Variants in RAB6A observed in about 807,000 individuals in gnomAD.
RAB6A encodes the protein ras-related protein Rab-6A.
RAB6A carries 8 observed loss-of-function variants against 32.3 expected under a neutral mutation model. The observed-to-expected ratio is 0.25, with a 90% CI of 0.15 to 0.45. The LOEUF is 0.45. Among genes scored for constraint, RAB6A ranks in the 20% least tolerant of loss-of-function variants. RAB6A has a pLI of 1.00. For synonymous variants in RAB6A, 73 were observed against 82.1 expected, an observed-to-expected ratio of 0.89 and a Z score of 0.60; for missense variants, 104 against 249.4, an observed-to-expected ratio of 0.42 and a Z score of 3.93.
intron 1 of RAB6A, among the ~76,000 whole-genome samples, chr11:73,758,333 G>A (rs1157452862): frequency 6.6e-6 from 1 of 152,126 alleles, no homozygotes; most frequent in African/African-American, 2.4e-5. Flanking sequence ...ATGGACTTAA[G>A]TTAATAATAA....
rs1555054176 is a variant in RAB6A at position 73,685,588 on chromosome 11, G to GAAAGTCTTTTTTTTTT, written c.496-5869_496-5868insAAAAAAAAAAGACTTT. Among the ~76,000 whole-genome samples, 30 of 89,572 alleles carry GAAAGTCTTTTTTTTTT rather than the reference G, an allele frequency of 3.3e-4. 4 individuals carry two copies. The highest frequency in any genetic ancestry group is 1.4e-3 in the African/African-American group (29 of 21,152). The allele number at this position is 89,572 out of a possible 152,430, so 58.8% of individuals were successfully genotyped here. On this transcript the variant is annotated intron_variant, in intron 6 of 7. Coordinates refer to ENST00000336083, the MANE Select transcript of RAB6A (RefSeq NM_198896.2). ...AAGTGTGAGCCACCACGCCCGGACT[G>GAAAGTCTTTTTTTTTT]AAAGTAGCGACCAGGTGCGGTGCCT...
intron 1 of RAB6A, among the ~76,000 whole-genome samples, chr11:73,744,306 C>T (rs1181937291): frequency 6.7e-6 from 1 of 148,370 alleles, no homozygotes; most frequent in Non-Finnish European, 1.5e-5. Flanking sequence ...CCAATGCACT[C>T]CAGCCTGGGT....
chr11:73,700,209 C>CAGGTGA (rs1945719026), intron 6 of RAB6A, among the ~76,000 whole-genome samples: 1 of 152,114 alleles, frequency 6.6e-6, no homozygotes, highest in African/African-American at 2.4e-5. Flanking sequence ...GATGAAAAGC[C>CAGGTGA]AGGTGAAGGC....
chr11:73,699,366 G>A (rs1945705502), intron 6 of RAB6A, among the ~76,000 whole-genome samples: 1 of 152,132 alleles, frequency 6.6e-6, no homozygotes, highest in Non-Finnish European at 1.5e-5. Flanking sequence ...TCAAGTGACG[G>A]TCCCATCTCA....
intron 3 of RAB6A, 69 bp from the exon 4 acceptor site, chr11:73,718,787 G>A: frequency 6.2e-7 from 1 of 1,613,982 alleles, no homozygotes; most frequent in East Asian, 2.2e-5. Flanking sequence ...ATACCTACTT[G>A]TGATATCGTA....
rs186480089 is a variant in RAB6A, at chr11:73,733,439, C to T, written c.71-2616G>A. 1.9e-3 allele frequency among the ~76,000 whole-genome samples: 281 copies of T among 151,826 alleles called. No homozygotes were observed. The Middle Eastern group carries it at 0.024, about 13-fold the overall frequency. On this transcript the variant is annotated intron_variant, in intron 1 of 7. Transcript: ENST00000336083. ...TGATGCGCGCCTGTAATCCCAGCTACGCAGGAGACTGAGGCAGGAGAATCG... is the reference window on the plus strand; with the variant it reads ...TGATGCGCGCCTGTAATCCCAGCTATGCAGGAGACTGAGGCAGGAGAATCG...
At chr11:73,722,295 A>C in intron 2 of RAB6A, 1 of 80,836 alleles carries the variant, frequency 1.2e-5, no homozygotes, top group African/African-American at 5.1e-5. Flanking sequence ...TCAAATATAT[A>C]TGTGTGTGTG....
At chr11:73,732,679 G>C (rs1364876273) in intron 1 of RAB6A, among the ~76,000 whole-genome samples, 1 of 152,202 alleles carries the variant, frequency 6.6e-6, no homozygotes, top group Non-Finnish European at 1.5e-5. Context: ...AGAATCGCTT[G>C]AATCTGGGAG....
chr11:73,722,305 G>GTGTGTATGTA (rs1238666420), intron 2 of RAB6A: 32 of 42,284 alleles, frequency 7.6e-4, no homozygotes, highest in African/African-American at 3.2e-3. Context: ...ATGTGTGTGT[G>GTGTGTATGTA]TATATATATA....
chr11:73,760,660 G>A lies in RAB6A; in HGVS notation c.-25C>T, dbSNP rs1354852259. 3 of 1,599,298 alleles carry A rather than the reference G, an allele frequency of 1.9e-6. No individual in the cohort carries two copies. The highest frequency in any genetic ancestry group is 1.7e-6 in the Non-Finnish European group (2 of 1,173,430). On this transcript the variant is annotated 5_prime_UTR_variant, in exon 1 of 8. Coordinates refer to ENST00000336083, the MANE Select transcript of RAB6A (RefSeq NM_198896.2). ...TTGTGGAACTAGAGGAGCGGCCGCC[G>A]CCTCAGCCTAGAGACCTCCCGGACC...
At chr11:73,728,933 G>T (rs1193787906) in intron 2 of RAB6A, among the ~76,000 whole-genome samples, 1 of 151,572 alleles carries the variant, frequency 6.6e-6, no homozygotes, top group African/African-American at 2.4e-5. Flanking sequence ...TATGTGGGCA[G>T]TTTTTTTTAT....
chr11:73,740,881 C>T (rs529638066), intron 1 of RAB6A, among the ~76,000 whole-genome samples: 3 of 146,438 alleles, frequency 2.0e-5, no homozygotes, highest in African/African-American at 7.7e-5. Flanking sequence ...GAGTGAGACT[C>T]TGTCTTTAAA....
At chr11:73,739,284 A>AAAAAAAAATATATATATAT (rs1208877325) in intron 1 of RAB6A, among the ~76,000 whole-genome samples, 1 of 6,758 alleles carries the variant, frequency 1.5e-4, no homozygotes, top group Non-Finnish European at 3.4e-4. Context: ...AAAAAAAAAA[A>AAAAAAAAATATATATATAT]ATATATATAT....
intron 1 of RAB6A, among the ~76,000 whole-genome samples, chr11:73,759,347 CAAG>C (rs1449844219): frequency 2.0e-5 from 3 of 151,484 alleles, no homozygotes; most frequent in Non-Finnish European, 4.4e-5. Context: ...GGAATTACTA[CAAG>C]AAGTAATCGT....
chr11:73,745,997 C>CA lies in RAB6A; in HGVS notation c.70+14568dup, dbSNP rs971804947. Among the ~76,000 whole-genome samples, 682 of 138,106 alleles carry CA rather than the reference C, an allele frequency of 4.9e-3. 2 individuals carry two copies. Among genetic ancestry groups the CA allele is most frequent in the African/African-American group, 8.0e-3 (301 of 37,510 alleles). 90.6% of individuals were successfully genotyped at this position (138,106 alleles called of 152,430 possible). A position where few individuals can be genotyped will look rare whatever the true frequency, so the allele number is the denominator to read the frequency against. ...CCTGGGCAAGAGTGAGACTCCATCTCAAAAAAAAAAAGAAAGAAAGAAATA... is the reference window on the plus strand; with the variant it reads ...CCTGGGCAAGAGTGAGACTCCATCTCAAAAAAAAAAAAGAAAGAAAGAAATA... On this transcript the variant is annotated intron_variant, in intron 1 of 7. Transcript: ENST00000336083.
intron 1 of RAB6A, among the ~76,000 whole-genome samples, chr11:73,740,907 A>C (rs1406026808): frequency 6.6e-6 from 1 of 151,356 alleles, no homozygotes; most frequent in East Asian, 2.0e-4. Context: ...GAAAAAAAAA[A>C]ACTACACTAC....
chr11:73,718,625 A>C lies in RAB6A; in HGVS notation c.277T>G (p.Tyr93Asp). The change falls in exon 4 of 8, where the codon TAT (tyrosine) becomes GAT (aspartate). Residue 93 changes from tyrosine (Y) to aspartate (D), a missense_variant. Tyr to Asp is a radical substitution (Grantham distance 160, BLOSUM62 -3). Coordinates refer to ENST00000336083, the MANE Select transcript of RAB6A (RefSeq NM_198896.2). ...IRDSTVAVVV[Y>D]DITNVNSFQQ... is the part of the protein sequence containing the mutation. ...TCCCTCCACTCACTTGTGATATCAT[A>C]AACAACAACTGCCACAGTGGAGTCA... 1 of 1,613,052 alleles carries C rather than the reference A, an allele frequency of 6.2e-7. No individual in the cohort carries two copies. Among genetic ancestry groups the C allele is most frequent in the Non-Finnish European group, 8.5e-7 (1 of 1,179,420 alleles).
chr11:73,679,767 A>G, intron 6 of RAB6A, 47 bp from the exon 7 acceptor site: 1 of 1,608,164 alleles, frequency 6.2e-7, no homozygotes. Context: ...ACATTTAGCA[A>G]AGGGTACTGA....
intron 2 of RAB6A, among the ~76,000 whole-genome samples, chr11:73,724,059 C>A (rs1157270327): frequency 6.6e-6 from 1 of 152,164 alleles, no homozygotes; most frequent in Admixed American, 6.5e-5. Context: ...TGAACTGTTT[C>A]TCAAATTCCA....
Sources: gnomAD v4.1 joint callset for allele counts (sites outside exome capture counted in the v4.1 genomes callset) on GRCh38, gnomAD v4.1.1 for gene constraint, MANE v1.5 for transcripts, NCBI Gene and HGNC (gene_info 2026-07-23, HGNC 2026-07-21) for gene names.